The following FAT3 variants were observed in gnomAD, a reference collection of about 807,000 sequenced individuals.
FAT3 encodes protocadherin Fat 3.
A neutral mutation model predicts 310.2 loss-of-function variants in FAT3; 95 were observed. The observed-to-expected ratio is 0.31, with a 90% CI of 0.26 to 0.36. The LOEUF (loss-of-function observed/expected upper bound fraction) is 0.36. FAT3 is among the 10% of genes least tolerant of loss of function. The probability of loss-of-function intolerance (pLI) is 1.00; values close to 1 mark genes in which losing one functional copy is unlikely to be tolerated. For missense variants in FAT3, 5,408 were observed against 5,715.6 expected (o/e 0.95, Z 1.74); for synonymous variants, 2,314 against 2,192.9 (o/e 1.06, Z -1.54).
In FAT3 at chr11:92,426,015, TC is replaced by T. The variant is rs564926595; in HGVS notation, c.3292+70613del. On this transcript the variant is annotated intron_variant, in intron 2 of 27. Transcript: ENST00000525166. ...ACTCCCACCAACAATGTAAAAGCAT[TC>T]CTGTTTCTCCACATCCTCTCCAGCA... Among the ~76,000 whole-genome samples, 8 of 152,356 alleles carry T rather than the reference TC, an allele frequency of 5.3e-5. No individual in the cohort carries two copies. The South Asian group carries it at 1.7e-3, about 32-fold the overall frequency.
chr11:92,237,070 C>T (rs950324304), intron 1 of FAT3, among the ~76,000 whole-genome samples: 4 of 152,072 alleles, frequency 2.6e-5, no homozygotes, highest in Non-Finnish European at 4.4e-5. Flanking sequence ...GTAAGGTTGG[C>T]ACAATTCCAG....
intron 3 of FAT3, among the ~76,000 whole-genome samples, chr11:92,632,164 C>T (rs1591542828): frequency 6.6e-6 from 1 of 152,208 alleles, no homozygotes; most frequent in Non-Finnish European, 1.5e-5. Flanking sequence ...TCTGTGAAGA[C>T]TTGTGGGATA....
At chr11:92,252,631 C>A (rs1215605478) in intron 1 of FAT3, among the ~76,000 whole-genome samples, 1 of 152,156 alleles carries the variant, frequency 6.6e-6, no homozygotes, top group Non-Finnish European at 1.5e-5. Flanking sequence ...CTTACATTTT[C>A]TTTTGTTTCA....
intron 2 of FAT3, among the ~76,000 whole-genome samples, chr11:92,428,333 C>G (rs1380743139): frequency 2.0e-5 from 3 of 151,226 alleles, no homozygotes; most frequent in Non-Finnish European, 2.9e-5. Context: ...AAAAACAGCC[C>G]TTGGATTCAT....
chr11:92,624,824 A>G (rs111458682), intron 3 of FAT3, among the ~76,000 whole-genome samples: 4 of 152,164 alleles, frequency 2.6e-5, no homozygotes, highest in East Asian at 1.9e-4. Flanking sequence ...TCTGAAATCA[A>G]TGTTTTGGCA....
At position 92,567,531 on chromosome 11, in the gene FAT3, A is replaced by C. The variant is rs1197996651; in HGVS notation, c.3607+42583A>C. 3.3e-5 allele frequency among the ~76,000 whole-genome samples: 5 copies of C among 150,830 alleles called. No individual in the cohort carries two copies. The East Asian group carries it at 7.8e-4, about 24-fold the overall frequency. The stretch of plus-strand genomic sequence containing the variant: ...TACCATTTGACCCAGCCATCCCATT[A>C]CTGGGTATATACCCAAAGGACTATA... On this transcript the variant is annotated intron_variant, in intron 3 of 27. Transcript: ENST00000525166.
chr11:92,304,963 A>G (rs554211017), intron 1 of FAT3, among the ~76,000 whole-genome samples: 2 of 152,166 alleles, frequency 1.3e-5, no homozygotes, highest in Non-Finnish European at 2.9e-5. Context: ...CTGGACCAGA[A>G]CAAGGACATA....
At chr11:92,689,754 G>A (rs1443045845) in intron 3 of FAT3, among the ~76,000 whole-genome samples, 1 of 152,166 alleles carries the variant, frequency 6.6e-6, no homozygotes, top group Non-Finnish European at 1.5e-5. Context: ...ATGCATGCAT[G>A]CATGTGTGCA....
In FAT3 at chr11:92,696,126, G is replaced by A. The variant is rs201905527; in HGVS notation, c.3608-1258G>A. ...TTTACTATATATATATATACCATGTGTATATATATATATACCTACAACTTG... is the reference window on the plus strand; with the variant it reads ...TTTACTATATATATATATACCATGTATATATATATATATACCTACAACTTG... On this transcript the variant is annotated intron_variant, in intron 3 of 27. Coordinates refer to ENST00000525166, the MANE Select transcript of FAT3 (RefSeq NM_001367949.2). Among the ~76,000 whole-genome samples, 59 of 147,466 alleles carry A rather than the reference G, an allele frequency of 4.0e-4. 1 individual carries two copies. Among genetic ancestry groups the A allele is most frequent in the Admixed American group, 1.0e-3 (15 of 14,730 alleles).
intron 3 of FAT3, among the ~76,000 whole-genome samples, chr11:92,671,684 C>T (rs1943132811): frequency 6.6e-6 from 1 of 152,126 alleles, no homozygotes; most frequent in Non-Finnish European, 1.5e-5. Flanking sequence ...ATGTGTCTTT[C>T]CTGCTAGACT....
chr11:92,355,478 T>C (rs1215872736), intron 2 of FAT3, 74 bp downstream of exon 2: 1 of 1,395,220 alleles, frequency 7.2e-7, no homozygotes, highest in Non-Finnish European at 9.8e-7. Flanking sequence ...AGTAAAGGGA[T>C]GTTAGGACAC....
rs766371451 is a variant in FAT3 at position 92,837,739 on chromosome 11, T to C, written c.10301T>C (p.Ile3434Thr). ...PAMSSTATVN[I>T]DISDVNDNSP... ...ATGTCATCAACTGCAACTGTCAACA[T>C]TGATATTTCTGATGTGAATGACAAC... The change falls in exon 17 of 28, where the codon ATT becomes ACT. Residue 3434 changes from isoleucine to threonine, a missense_variant. This residue lies in a region of FAT3 where 4,588 missense variants were observed against 4,809.8 expected (regional missense o/e 0.95). Transcript: ENST00000525166. 19 of 1,613,876 alleles carry C rather than the reference T, an allele frequency of 1.2e-5. No individual in the cohort carries two copies. Among genetic ancestry groups the C allele is most frequent in the African/African-American group, 4.0e-5 (3 of 74,932 alleles).
intron 3 of FAT3, among the ~76,000 whole-genome samples, chr11:92,577,051 T>C (rs932053692): frequency 6.6e-6 from 1 of 151,928 alleles, no homozygotes; most frequent in Non-Finnish European, 1.5e-5. Context: ...TTCATTCTTT[T>C]AGTATATATT....
rs1398251746 is a variant in FAT3, at chr11:92,368,883, CAT to C, written c.3292+13487_3292+13488del. On this transcript the variant is annotated intron_variant, in intron 2 of 27. Coordinates refer to ENST00000525166, the MANE Select transcript of FAT3 (RefSeq NM_001367949.2). Reference sequence around the variant, plus strand: ...ACATATATATATACACACATATACACATATATATACACACACACATATATATA... The same window carrying C: ...ACATATATATATACACACATATACACATATATACACACACACATATATATA... Among the ~76,000 whole-genome samples, 13 of 131,362 alleles carry C rather than the reference CAT, an allele frequency of 9.9e-5. No homozygotes were observed. In the East Asian group the frequency reaches 1.4e-3, roughly 14 times the overall value. 86.2% of individuals were successfully genotyped at this position (131,362 alleles called of 152,430 possible). A position where few individuals can be genotyped will look rare whatever the true frequency, so the allele number is the denominator to read the frequency against.
chr11:92,814,604 T>C (rs2136221819), intron 13 of FAT3, among the ~76,000 whole-genome samples: 1 of 152,174 alleles, frequency 6.6e-6, no homozygotes, highest in Middle Eastern at 3.4e-3. Context: ...AAAAGGGAAG[T>C]TAAAGGGTGA....
intron 1 of FAT3, among the ~76,000 whole-genome samples, chr11:92,298,763 A>C (rs1172844692): frequency 1.3e-5 from 2 of 152,114 alleles, no homozygotes; most frequent in Non-Finnish European, 2.9e-5. Context: ...CAATCTCAAC[A>C]AAGTTGAGTA....
Position 92,399,428 on chromosome 11 carries a change from A to T in FAT3, c.3292+44024A>T, listed in dbSNP as rs183349283. ...AAAATTTTAAGATTCTTTTGTCCAC[A>T]TCTAATTTGATGGGTGATTTTTAAA... On this transcript the variant is annotated intron_variant, in intron 2 of 27. Coordinates refer to ENST00000525166, the MANE Select transcript of FAT3 (RefSeq NM_001367949.2). Among the ~76,000 whole-genome samples, 11 of 152,302 alleles carry T rather than the reference A, an allele frequency of 7.2e-5. No individual in the cohort carries two copies. In the East Asian group the frequency reaches 1.9e-3, roughly 27 times the overall value.
Position 92,353,339 on chromosome 11 carries a change from C to T in FAT3, c.1227C>T (p.Tyr409=). 2 of 1,613,532 alleles carry T rather than the reference C, an allele frequency of 1.2e-6. No individual in the cohort carries two copies. The highest frequency in any genetic ancestry group is 1.7e-6 in the Non-Finnish European group (2 of 1,179,782). The change falls in exon 2 of 28, where the codon TAC becomes TAT. Residue 409 remains tyrosine (Y), a synonymous_variant. Coordinates refer to ENST00000525166, the MANE Select transcript of FAT3 (RefSeq NM_001367949.2). ...GTCCTGAACCGATAGATGTGGAATA[C>T]AAATTATCTCCTGGTGAGGATGCAG... ...KLSPEPIDVE[Y]KLSPGEDAVY... is the part of the protein sequence containing the mutation.
intron 3 of FAT3, among the ~76,000 whole-genome samples, chr11:92,649,255 A>T (rs1942281051): frequency 1.3e-5 from 2 of 152,190 alleles, no homozygotes; most frequent in African/African-American, 4.8e-5. Flanking sequence ...ACAACTATAG[A>T]TACCTTAGGA....
Sources: gnomAD v4.1 joint callset for allele counts (sites outside exome capture counted in the v4.1 genomes callset) on GRCh38, gnomAD v4.1.1 for gene constraint, gnomAD v4.1.1 regional missense constraint, MANE v1.5 for transcripts, NCBI Gene and HGNC (gene_info 2026-07-23, HGNC 2026-07-21) for gene names.